STK24: variants seen among roughly 807,000 people sequenced by gnomAD.
STK24 encodes serine/threonine kinase 24, also known as serine/threonine-protein kinase 24.
In STK24, 21 loss-of-function variants were observed where a neutral mutation model predicts 55.6. That is an observed-to-expected ratio of 0.38 (90% CI 0.27 to 0.54). The LOEUF is 0.54. Ranked by LOEUF, STK24 falls within the 20% of genes least tolerant of loss-of-function variation. The pLI is 0.79. For synonymous variants in STK24, 200 were observed against 215.2 expected, an observed-to-expected ratio of 0.93 and a Z score of 0.62; for missense variants, 383 against 538.4, an observed-to-expected ratio of 0.71 and a Z score of 2.86.
intron 9 of STK24, 135 bp downstream of exon 9, chr13:98,460,237 C>T: frequency 1.2e-6 from 1 of 811,494 alleles, no homozygotes; most frequent in South Asian, 1.5e-5. Flanking sequence ...TGGGAAGGCA[C>T]CATGCAGGCT....
chr13:98,541,103 T>C (rs1196145856), intron 1 of STK24, among the ~76,000 whole-genome samples: 1 of 152,206 alleles, frequency 6.6e-6, no homozygotes, highest in Non-Finnish European at 1.5e-5. Context: ...ACTCAGACCT[T>C]AGTTATAGAC....
rs753962328 is a variant in STK24, at chr13:98,448,296, CAAAG to C, written c.*4873_*4876del. 2 of 1,613,692 alleles carry C rather than the reference CAAAG, an allele frequency of 1.2e-6. No individual in the cohort carries two copies. The highest frequency in any genetic ancestry group is 1.7e-5 in the Admixed American group (1 of 60,016). The stretch of plus-strand genomic sequence containing the variant: ...CCTCGCGACCCCACGTGTTGAGTCA[CAAAG>C]AGTCTCTTGTGTATTGATGGCCGGA... On this transcript the variant is annotated 3_prime_UTR_variant, in exon 11 of 11. Coordinates refer to ENST00000539966, the MANE Select transcript of STK24 (RefSeq NM_001032296.4).
At chr13:98,538,300 C>T (rs1896793134) in intron 1 of STK24, among the ~76,000 whole-genome samples, 1 of 138,344 alleles carries the variant, frequency 7.2e-6, no homozygotes, top group South Asian at 2.3e-4. Context: ...ATCTCGATCA[C>T]TGAAACCTCC....
chr13:98,457,145 C>G (rs1248737632), intron 10 of STK24, 23 bp downstream of exon 10: 1 of 1,605,086 alleles, frequency 6.2e-7, no homozygotes, highest in South Asian at 1.1e-5. Context: ...CTTCCCCAGC[C>G]CAGAGGGGCC....
intron 10 of STK24, chr13:98,454,120 C>T (rs2139233929): frequency 6.6e-6 from 1 of 152,252 alleles, no homozygotes; most frequent in East Asian, 1.9e-4. Flanking sequence ...TATAGAAATT[C>T]TAAAAAATCT....
At chr13:98,487,027 C>G (rs1894833864) in intron 2 of STK24, among the ~76,000 whole-genome samples, 1 of 152,214 alleles carries the variant, frequency 6.6e-6, no homozygotes, top group Admixed American at 6.5e-5. Context: ...AACATCATCA[C>G]CCAGAAATGC....
intron 1 of STK24, among the ~76,000 whole-genome samples, chr13:98,560,251 G>A (rs1184112848): frequency 6.6e-6 from 1 of 152,186 alleles, no homozygotes; most frequent in Non-Finnish European, 1.5e-5. Flanking sequence ...GCTGCTCAAC[G>A]CTATGGCTCA....
rs1897419469 is a variant in STK24 at position 98,561,555 on chromosome 13, T to C, written c.42+15190A>G. Among the ~76,000 whole-genome samples, 4 of 136,606 alleles carry C rather than the reference T, an allele frequency of 2.9e-5. No homozygotes were observed. The East Asian group carries it at 7.1e-4, about 24-fold the overall frequency. 89.6% of individuals were successfully genotyped at this position (136,606 alleles called of 152,430 possible). ...GAAGATCACGTCACTGTACTCCAGC[T>C]AGGGCAACAGAGTGAGACTGTCTCA... is the stretch of plus-strand genomic sequence containing the variant. On this transcript the variant is annotated intron_variant, in intron 1 of 10. Transcript: ENST00000539966.
chr13:98,491,494 A>C (rs1049950632), intron 2 of STK24, among the ~76,000 whole-genome samples: 1 of 152,200 alleles, frequency 6.6e-6, no homozygotes, highest in Non-Finnish European at 1.5e-5. Context: ...ATAAAACCTG[A>C]AATAACACAA....
Position 98,452,673 on chromosome 13 carries a change from G to T in STK24, c.*500C>A, listed in dbSNP as rs189895343. 83 of 153,108 alleles carry T rather than the reference G, an allele frequency of 5.4e-4. No homozygotes were observed. The highest frequency in any genetic ancestry group is 9.5e-4 in the Non-Finnish European group (65 of 68,356). The allele number at this position is 153,108 out of a possible 1,614,324, so 9.5% of individuals were successfully genotyped here. On this transcript the variant is annotated 3_prime_UTR_variant, in exon 11 of 11. Transcript: ENST00000539966. ...ACTGACGTTATCTACAGAAGCACTT[G>T]GCCAGTTTGTACACAGTGATTCCTT...
chr13:98,486,711 C>T (rs988881113), intron 2 of STK24, among the ~76,000 whole-genome samples: 3 of 152,168 alleles, frequency 2.0e-5, no homozygotes, highest in African/African-American at 7.2e-5. Flanking sequence ...AACAGAGAAC[C>T]GCTGAACTAC....
At chr13:98,460,131 G>A (rs1441051246) in intron 9 of STK24, among the ~76,000 whole-genome samples, 5 of 152,204 alleles carry the variant, frequency 3.3e-5, no homozygotes, top group African/African-American at 9.7e-5. Flanking sequence ...ACAGGGTCTC[G>A]GGCTGGGTCA....
intron 8 of STK24, 51 bp from the exon 9 acceptor site, chr13:98,460,491 G>C: frequency 2.0e-6 from 3 of 1,489,770 alleles, no homozygotes; most frequent in Non-Finnish European, 2.8e-6. Flanking sequence ...CGTTCACATT[G>C]GCAATAATTT....
intron 1 of STK24, among the ~76,000 whole-genome samples, chr13:98,544,230 G>C (rs1177098480): frequency 1.3e-5 from 2 of 152,338 alleles, no homozygotes; most frequent in South Asian, 4.1e-4. Context: ...CGACAACTGA[G>C]AACACAGCAG....
At position 98,575,408 on chromosome 13, in the gene STK24, C is replaced by T. The variant is rs972528419; in HGVS notation, c.42+1337G>A. Among the ~76,000 whole-genome samples, 279 of 144,538 alleles carry T rather than the reference C, an allele frequency of 1.9e-3. 1 individual carries two copies. The highest frequency in any genetic ancestry group is 5.3e-3 in the African/African-American group (206 of 38,666). The allele number at this position is 144,538 out of a possible 152,430, so 94.8% of individuals were successfully genotyped here. ...CACATATATATACTGCTTATATATA[C>T]ACACACACACACACACACACATATA... On this transcript the variant is annotated intron_variant, in intron 1 of 10. Transcript: ENST00000539966.
intron 1 of STK24, among the ~76,000 whole-genome samples, chr13:98,569,166 T>G (rs1897668769): frequency 6.6e-6 from 1 of 152,080 alleles, no homozygotes. Context: ...CAGAAGCCGG[T>G]GCTGGCAGGG....
chr13:98,484,389 T>G (rs1203783227), intron 2 of STK24, among the ~76,000 whole-genome samples: 1 of 152,228 alleles, frequency 6.6e-6, no homozygotes. Context: ...CTCCCATCCC[T>G]TCTATTTTCT....
At chr13:98,524,341 A>G (rs1384345454) in intron 1 of STK24, among the ~76,000 whole-genome samples, 3 of 152,020 alleles carry the variant, frequency 2.0e-5, no homozygotes, top group Admixed American at 2.0e-4. Context: ...TCAAGCCTCA[A>G]GGGACCCCGC....
chr13:98,512,869 G>A (rs1329707141), intron 2 of STK24, among the ~76,000 whole-genome samples: 3 of 152,136 alleles, frequency 2.0e-5, no homozygotes, highest in Non-Finnish European at 4.4e-5. Flanking sequence ...AGTGAGGGAG[G>A]GGCTCCCTCT....
Sources: allele counts gnomAD v4.1 joint callset (sites outside exome capture counted in the v4.1 genomes callset), GRCh38; gene constraint gnomAD v4.1.1; transcripts MANE v1.5; gene names NCBI Gene and HGNC (gene_info 2026-07-23, HGNC 2026-07-21).